Variants in MTMR8 observed in about 807,000 individuals in gnomAD.
MTMR8 encodes the protein myotubularin related protein 8.
In MTMR8, 65 loss-of-function variants were observed where a neutral mutation model predicts 39.3. The observed-to-expected ratio is 1.65, with a 90% CI of 1.35 to 2.03. The LOEUF (loss-of-function observed/expected upper bound fraction) is 2.03, where lower values mean the gene tolerates loss of function less well. Among genes scored for constraint, MTMR8 ranks in the 30% most tolerant of loss-of-function variants. The pLI, the probability that MTMR8 is intolerant of heterozygous loss-of-function variation, is 0.00. For synonymous variants in MTMR8, 245 were observed against 185.2 expected (o/e 1.32, Z -2.62); for missense variants, 777 against 538.9 (o/e 1.44, Z -4.37).
chrX:64,299,694 C>A (rs1921769228), intron 12 of MTMR8, among the ~76,000 whole-genome samples: 1 of 97,346 alleles, frequency 1.0e-5, no homozygotes, highest in African/African-American at 3.8e-5. Flanking sequence ...TTGGATCTTT[C>A]CTGCTTTCTC....
chrX:64,286,881 C>T (rs1412024235), intron 12 of MTMR8, among the ~76,000 whole-genome samples: 8 of 111,614 alleles, frequency 7.2e-5, no homozygotes, highest in African/African-American at 2.3e-4. Flanking sequence ...AAACTGGAAG[C>T]ATTCCCTTTG....
At chrX:64,327,584 G>A (rs1188266744) in intron 12 of MTMR8, among the ~76,000 whole-genome samples, 1 of 112,409 alleles carries the variant, frequency 8.9e-6, no homozygotes, top group Admixed American at 9.4e-5. Flanking sequence ...CAGTGGAAAT[G>A]TAAATTCGTA....
At chrX:64,274,049 C>G (rs1372713187) in intron 12 of MTMR8, among the ~76,000 whole-genome samples, 2 of 111,307 alleles carry the variant, frequency 1.8e-5, no homozygotes, top group East Asian at 5.6e-4. Context: ...ATAGAACAAT[C>G]AGAGAGGAAA....
intron 5 of MTMR8, among the ~76,000 whole-genome samples, chrX:64,349,396 C>T (rs1166081494): frequency 9.0e-6 from 1 of 111,654 alleles, no homozygotes; most frequent in African/African-American, 3.3e-5. Flanking sequence ...AATTGCATTA[C>T]TATACTCCTT....
Position 64,271,043 on chromosome X carries a change from G to A in MTMR8, c.1512C>T (p.Asp504=), listed in dbSNP as rs1437888505. 8.3e-7 allele frequency: 1 copy of A among 1,204,444 alleles called. No homozygotes were observed. The highest frequency in any genetic ancestry group is 1.8e-5 in the African/African-American group (1 of 56,807). Reference sequence around the variant, plus strand: ...TACTCTGCTTGGGCTGCAGCCCTTTGTCAAAGCGGTTATACATCCCACACC... The same window carrying A: ...TACTCTGCTTGGGCTGCAGCCCTTTATCAAAGCGGTTATACATCCCACACC... ...QFWCGMYNRF[D]KGLQPKQSML... The change falls in exon 13 of 14, where the codon GAC becomes GAT. Residue 504 remains aspartate (D), a synonymous_variant. Transcript: ENST00000374852.
intron 4 of MTMR8, among the ~76,000 whole-genome samples, chrX:64,352,916 T>C (rs1245416870): frequency 1.8e-5 from 2 of 111,552 alleles, no homozygotes; most frequent in Non-Finnish European, 3.8e-5. Flanking sequence ...CAAGCGTAAA[T>C]ACTCTTGTGG....
intron 1 of MTMR8, among the ~76,000 whole-genome samples, chrX:64,365,087 C>T (rs769532211): frequency 1.3e-4 from 15 of 111,146 alleles, no homozygotes; most frequent in African/African-American, 3.9e-4. Flanking sequence ...AAAGAAAAAG[C>T]CTCCAAGAAA....
At chrX:64,395,075 A>G (rs1363335308) in intron 1 of MTMR8, among the ~76,000 whole-genome samples, 1 of 112,414 alleles carries the variant, frequency 8.9e-6, no homozygotes, top group Non-Finnish European at 1.9e-5. Flanking sequence ...GGGCCAGAAC[A>G]GGCGTGCACC....
chrX:64,393,788 AG>A (rs1277263656), intron 1 of MTMR8, among the ~76,000 whole-genome samples: 1 of 112,225 alleles, frequency 8.9e-6, no homozygotes, highest in Non-Finnish European at 1.9e-5. Flanking sequence ...TCAGAAAAAA[AG>A]GTTAAAGGTT....
chrX:64,387,976 C>T (rs1368313921), intron 1 of MTMR8, among the ~76,000 whole-genome samples: 1 of 111,032 alleles, frequency 9.0e-6, no homozygotes, highest in Non-Finnish European at 1.9e-5. Context: ...CACTCCTGAG[C>T]TGTAGATAGA....
chrX:64,305,752 C>G (rs1350155450), intron 12 of MTMR8: 4 of 444,478 alleles, frequency 9.0e-6, no homozygotes, highest in Admixed American at 2.7e-5. Context: ...TGAATTAGAA[C>G]ACAAAGAGCT....
rs182842588 is a variant in MTMR8 at position 64,392,582 on chromosome X, T to G, written c.24+2758A>C. On this transcript the variant is annotated intron_variant, in intron 1 of 13. Transcript: ENST00000374852. Reference sequence around the variant, plus strand: ...AGTGGACTTCTAGTAATGTTCTTTTTTTTGTTTGTTTGTTTGTTTTTTGTT... The same window carrying G: ...AGTGGACTTCTAGTAATGTTCTTTTGTTTGTTTGTTTGTTTGTTTTTTGTT... Among the ~76,000 whole-genome samples the G allele has an allele frequency of 1.9e-3, 207 of 110,652 alleles. 3 individuals are homozygous for G. The South Asian group carries it at 0.046, about 24-fold the overall frequency.
chrX:64,320,298 G>A (rs1346996928), intron 12 of MTMR8, among the ~76,000 whole-genome samples: 5 of 111,046 alleles, frequency 4.5e-5, no homozygotes, highest in African/African-American at 1.6e-4. Context: ...GTAAGAGAGT[G>A]ATACAACATG....
intron 1 of MTMR8, among the ~76,000 whole-genome samples, chrX:64,374,826 C>G (rs1340342051): frequency 9.1e-6 from 1 of 109,858 alleles, no homozygotes; most frequent in Non-Finnish European, 1.9e-5. Flanking sequence ...TTATAACAGA[C>G]AGAGAGGAGA....
At chrX:64,287,838 T>C (rs1459289368) in intron 12 of MTMR8, among the ~76,000 whole-genome samples, 21 of 105,260 alleles carry the variant, frequency 2.0e-4, no homozygotes, top group Admixed American at 1.9e-3. Flanking sequence ...AAGACTTACA[T>C]GTTAGACCTA....
chrX:64,381,054 T>A (rs1416980393), intron 1 of MTMR8, among the ~76,000 whole-genome samples: 1 of 112,135 alleles, frequency 8.9e-6, no homozygotes, highest in Non-Finnish European at 1.9e-5. Flanking sequence ...GCAATAAACA[T>A]ATGTGCACAT....
At chrX:64,356,474 G>T in intron 2 of MTMR8, 136 bp from the exon 3 acceptor site, 4 of 532,702 alleles carry the variant, frequency 7.5e-6, no homozygotes, top group Non-Finnish European at 1.2e-5. Flanking sequence ...ACCATTCTTT[G>T]TAAGACACAA....
chrX:64,284,287 A>C (rs1921069529), intron 12 of MTMR8, among the ~76,000 whole-genome samples: 1 of 112,132 alleles, frequency 8.9e-6, no homozygotes, highest in Admixed American at 9.5e-5. Flanking sequence ...AAGAATAAAA[A>C]GAAACGAATA....
intron 12 of MTMR8, among the ~76,000 whole-genome samples, chrX:64,293,376 G>A (rs1219929487): frequency 2.7e-5 from 3 of 111,325 alleles, no homozygotes; most frequent in East Asian, 2.8e-4. Flanking sequence ...AGCAAACCAC[G>A]TAGAGCCAGG....
Sources: gnomAD v4.1 joint callset for allele counts (sites outside exome capture counted in the v4.1 genomes callset) on GRCh38, gnomAD v4.1.1 for gene constraint, MANE v1.5 for transcripts, NCBI Gene and HGNC (gene_info 2026-07-23, HGNC 2026-07-21) for gene names.